ITGA11: variants seen among roughly 807,000 people sequenced by gnomAD.
The protein encoded by ITGA11 is integrin alpha-11.
Under a neutral mutation model 141.9 loss-of-function variants are expected in ITGA11, and 97 were observed. The observed-to-expected ratio is 0.68, with a 90% CI of 0.58 to 0.81. The LOEUF (loss-of-function observed/expected upper bound fraction) is 0.81, where lower values mean the gene tolerates loss of function less well. Among genes scored for constraint, ITGA11 ranks in the 30% least tolerant of loss-of-function variants. The probability of loss-of-function intolerance (pLI) is 0.00; values close to 1 mark genes in which losing one functional copy is unlikely to be tolerated. For synonymous variants in ITGA11, 658 were observed against 624.6 expected (o/e 1.05, Z -0.80); for missense variants, 1,387 against 1,559.2 (o/e 0.89, Z 1.86).
intron 11 of ITGA11, among the ~76,000 whole-genome samples, chr15:68,337,380 C>T (rs80342591): frequency 6.6e-6 from 1 of 152,280 alleles, no homozygotes; most frequent in African/African-American, 2.4e-5. Flanking sequence ...ACTGCACCCC[C>T]AGTGGAGGCT....
At chr15:68,350,211 G>A in intron 9 of ITGA11, among the ~76,000 whole-genome samples, 1 of 152,132 alleles carries the variant, frequency 6.6e-6, no homozygotes, top group East Asian at 1.9e-4. Context: ...TGGGGACAGG[G>A]TCTGGCTCTG....
rs1331241348 is a variant in ITGA11 at position 68,298,451 on chromosome 15, C to G, written c.*4608G>C. ...AGTGTGGGCAACAAAGTGAGACCCC[C>G]TCTCTGCACAAAATTAAAAAAAAAA... On this transcript the variant is annotated 3_prime_UTR_variant, in exon 30 of 30. Coordinates refer to ENST00000315757, the MANE Select transcript of ITGA11 (RefSeq NM_001004439.2). 2.6e-5 allele frequency: 4 copies of G among 152,088 alleles called. No homozygotes were observed. The East Asian group carries it at 7.7e-4, about 29-fold the overall frequency. The allele number at this position is 152,088 out of a possible 1,614,324, so 9.4% of individuals were successfully genotyped here. A position where few individuals can be genotyped will look rare whatever the true frequency, so the allele number is the denominator to read the frequency against.
chr15:68,400,609 TATAA>T (rs1163350258), intron 2 of ITGA11, among the ~76,000 whole-genome samples: 1 of 99,492 alleles, frequency 1.0e-5, no homozygotes, highest in Non-Finnish European at 1.9e-5. Context: ...TATTATAATA[TATAA>T]TATATATTAT....
chr15:68,310,472 G>C (rs1893344464), intron 26 of ITGA11, among the ~76,000 whole-genome samples: 1 of 152,172 alleles, frequency 6.6e-6, no homozygotes, highest in Non-Finnish European at 1.5e-5. Flanking sequence ...GTATCTGGAG[G>C]CAGAGGCAAC....
At chr15:68,350,158 C>T (rs138240859) in intron 9 of ITGA11, among the ~76,000 whole-genome samples, 116 of 152,244 alleles carry the variant, frequency 7.6e-4, no homozygotes, top group African/African-American at 2.4e-3. Context: ...ACGTCCGGCA[C>T]GGAGTAATAC....
chr15:68,317,946 T>C (rs1400000134), intron 20 of ITGA11, among the ~76,000 whole-genome samples: 1 of 152,176 alleles, frequency 6.6e-6, no homozygotes, highest in Admixed American at 6.5e-5. Context: ...ACCTGCTGCA[T>C]GTACACAGAG....
chr15:68,364,907 T>C (rs1895368989), intron 3 of ITGA11, 109 bp from the exon 4 acceptor site: 4 of 1,051,140 alleles, frequency 3.8e-6, no homozygotes. Context: ...TCCCTGACCC[T>C]GGGGACCTCT....
At position 68,358,525 on chromosome 15, in the gene ITGA11, C is replaced by T; in HGVS notation, c.533G>A (p.Trp178Ter). ...GATGAGGAAGTGCTGAACCTCCACC[C>T]AGGGGTAGATGCTGTTGGAGCCATC... is the stretch of plus-strand genomic sequence containing the variant. The part of the protein sequence containing the change: ...VLDGSNSIYP[W>*]VEVQHFLINI... Residue 178 changes from tryptophan to a stop codon, truncating the protein, a stop_gained, in exon 6 of 30, where the codon TGG becomes TAG. Transcript: ENST00000315757. LOFTEE classifies it high-confidence loss of function. 1.2e-6 allele frequency: 2 copies of T among 1,614,146 alleles called. No individual in the cohort carries two copies. Among genetic ancestry groups the T allele is most frequent in the Non-Finnish European group, 1.7e-6 (2 of 1,179,998 alleles).
chr15:68,303,936 G>A lies in ITGA11; in HGVS notation c.3382-51C>T, dbSNP rs557420599. The A allele has an allele frequency of 1.1e-5, 14 of 1,284,582 alleles. No homozygotes were observed. In the South Asian group the frequency reaches 1.7e-4, roughly 16 times the overall value. 79.6% of individuals were successfully genotyped at this position (1,284,582 alleles called of 1,614,324 possible). ...ACAGCATTACTCTTCTGGGGCTGGG[G>A]TGGCAGTCTGGGAGGGGCAGGAGGG... is the stretch of plus-strand genomic sequence containing the variant. On this transcript the variant is annotated intron_variant, in intron 28 of 29. Coordinates refer to ENST00000315757, the MANE Select transcript of ITGA11 (RefSeq NM_001004439.2). This position sits in a 1 kb window ranked among gnomAD's most constrained non-coding sequence, Gnocchi z 5.3.
chr15:68,414,069 G>A (rs1896834975), intron 1 of ITGA11, among the ~76,000 whole-genome samples: 1 of 152,182 alleles, frequency 6.6e-6, no homozygotes, highest in Non-Finnish European at 1.5e-5. Context: ...GGGGGTCCAG[G>A]CGATGTGGTC....
intron 12 of ITGA11, among the ~76,000 whole-genome samples, chr15:68,334,482 T>C (rs1595864525): frequency 6.6e-6 from 1 of 152,332 alleles, no homozygotes; most frequent in East Asian, 1.9e-4. Flanking sequence ...CATCTCTGGC[T>C]TAGCGTGTTT....
intron 13 of ITGA11, 115 bp from the exon 14 acceptor site, chr15:68,332,177 C>T (rs904080880): frequency 7.3e-6 from 9 of 1,233,938 alleles, no homozygotes; most frequent in South Asian, 2.8e-5. Context: ...CCCAGAACCC[C>T]GTCTCTGGCT....
In ITGA11 at chr15:68,303,153, G is replaced by A. The variant is rs775591136; in HGVS notation, c.3496-23C>T. 65 of 1,547,776 alleles carry A rather than the reference G, an allele frequency of 4.2e-5. No homozygotes were observed. The highest frequency in any genetic ancestry group is 5.2e-5 in the Non-Finnish European group (59 of 1,144,670). The stretch of plus-strand genomic sequence containing the variant: ...GAGCTGTGAGGAGGCAAAGGGAGAC[G>A]TCTCAGAGGAGGACAGGGTGGGCAA... On this transcript the variant is annotated intron_variant, in intron 29 of 29. Transcript: ENST00000315757. The surrounding 1 kb of genome is among the most constrained non-coding windows in gnomAD (Gnocchi z 5.3).
intron 4 of ITGA11, 43 bp downstream of exon 4, chr15:68,364,664 C>A (rs767626804): frequency 3.7e-6 from 5 of 1,353,166 alleles, no homozygotes; most frequent in Non-Finnish European, 4.2e-6. Flanking sequence ...CCCACCCCCA[C>A]CCCTGCCTCT....
chr15:68,327,684 G>A (rs763516013), intron 16 of ITGA11, among the ~76,000 whole-genome samples: 3 of 152,044 alleles, frequency 2.0e-5, no homozygotes, highest in Non-Finnish European at 4.4e-5. Context: ...ACTTCTGAGC[G>A]GGGCTCCCTG....
intron 1 of ITGA11, among the ~76,000 whole-genome samples, chr15:68,420,073 T>C (rs1175798695): frequency 2.0e-5 from 3 of 152,126 alleles, no homozygotes; most frequent in African/African-American, 7.2e-5. Context: ...TTCCCAGGGA[T>C]TGGACTGTAA....
In ITGA11 at chr15:68,300,144, G is replaced by A. The variant is rs1892995119; in HGVS notation, c.*2915C>T. 6.6e-6 allele frequency: 1 copy of A among 152,238 alleles called. No individual in the cohort carries two copies. 9.4% of individuals were successfully genotyped at this position (152,238 alleles called of 1,614,324 possible). On this transcript the variant is annotated 3_prime_UTR_variant, in exon 30 of 30. Transcript: ENST00000315757. Reference sequence around the variant, plus strand: ...CAGATGGCTGTTCTACAAGTTTAATGTGCTTAGAATTACCTCACAGAGCTT... The same window carrying A: ...CAGATGGCTGTTCTACAAGTTTAATATGCTTAGAATTACCTCACAGAGCTT...
At chr15:68,412,668 CTTTTTTTTT>C (rs71145169) in intron 1 of ITGA11, among the ~76,000 whole-genome samples, 8 of 59,242 alleles carry the variant, frequency 1.4e-4, no homozygotes, top group Admixed American at 2.7e-4. Flanking sequence ...AACTTATTCG[CTTTTTTTTT>C]TTTTTTTTTT....
At chr15:68,336,264 GGA>G (rs1035044607) in intron 11 of ITGA11, among the ~76,000 whole-genome samples, 41 of 152,206 alleles carry the variant, frequency 2.7e-4, no homozygotes, top group African/African-American at 7.9e-4. Flanking sequence ...CTTCACTCTT[GGA>G]GACTAACCAG....
Sources: allele counts gnomAD v4.1 joint callset (sites outside exome capture counted in the v4.1 genomes callset), GRCh38; gene constraint gnomAD v4.1.1; non-coding constraint Gnocchi (gnomAD v3.1); transcripts MANE v1.5; gene names NCBI Gene and HGNC (gene_info 2026-07-23, HGNC 2026-07-21).